The following COL5A2 variants were observed in gnomAD, a reference collection of about 807,000 sequenced individuals.
COL5A2 encodes the protein collagen alpha-2(V) chain.
COL5A2 carries 23 observed loss-of-function variants against 208.2 expected under a neutral mutation model. The ratio of observed to expected loss-of-function variants is 0.11; its 90% confidence interval spans 0.08 to 0.16. The LOEUF (loss-of-function observed/expected upper bound fraction) is 0.16, where lower values mean the gene tolerates loss of function less well. Among genes scored for constraint, COL5A2 ranks in the 10% least tolerant of loss-of-function variants. The pLI is 1.00. For missense variants in COL5A2, 1,590 were observed against 1,956.4 expected (o/e 0.81, Z 3.53); for synonymous variants, 625 against 628.5 (o/e 0.99, Z 0.08).
At chr2:189,197,000 A>G (rs1332837059) in intron 1 of COL5A2, among the ~76,000 whole-genome samples, 2 of 152,198 alleles carry the variant, frequency 1.3e-5, no homozygotes, top group Admixed American at 6.5e-5. Context: ...ATACACACGT[A>G]TATTTTTTTT....
the COL5A2 span, among the ~76,000 whole-genome samples, chr2:189,328,754 T>G: frequency 6.6e-6 from 1 of 152,174 alleles, no homozygotes; most frequent in South Asian, 2.1e-4. Flanking sequence ...TTGGTCATCA[T>G]GGAAGACAGA....
chr2:189,199,441 C>A (rs4667270), intron 1 of COL5A2, among the ~76,000 whole-genome samples: 22,678 of 152,006 alleles, frequency 0.15, 2,889 homozygotes, highest in African/African-American at 0.34. Context: ...GGTACAATAA[C>A]ATATAAAAAT....
chr2:189,174,665 G>A (rs945575116), intron 1 of COL5A2, among the ~76,000 whole-genome samples: 5 of 152,112 alleles, frequency 3.3e-5, no homozygotes, highest in Admixed American at 2.0e-4. Context: ...GGAAAGTAGA[G>A]GGGTCTAGAA....
At chr2:189,394,987 A>G in the COL5A2 span, among the ~76,000 whole-genome samples, 1 of 152,298 alleles carries the variant, frequency 6.6e-6, no homozygotes, top group South Asian at 2.1e-4. Context: ...AATTTGTGTT[A>G]CTTCCTTAGA....
At chr2:189,366,121 A>G in the COL5A2 span, among the ~76,000 whole-genome samples, 1 of 152,114 alleles carries the variant, frequency 6.6e-6, no homozygotes. Flanking sequence ...CTTGTATAGC[A>G]CCATCAAAAG....
At chr2:189,398,937 G>A in the COL5A2 span, among the ~76,000 whole-genome samples, 1 of 151,924 alleles carries the variant, frequency 6.6e-6, no homozygotes, top group African/African-American at 2.4e-5. Context: ...AAGTCTAATA[G>A]TATTTTTACC....
At chr2:189,281,083 C>A in the COL5A2 span, among the ~76,000 whole-genome samples, 2 of 151,986 alleles carry the variant, frequency 1.3e-5, no homozygotes, top group Non-Finnish European at 2.9e-5. Flanking sequence ...GGTTAATTTG[C>A]ATTATTTACC....
At chr2:189,212,950 G>T (rs540301823) in intron 1 of COL5A2, among the ~76,000 whole-genome samples, 3 of 151,724 alleles carry the variant, frequency 2.0e-5, no homozygotes, top group African/African-American at 7.2e-5. Flanking sequence ...GTGTGACAGC[G>T]CGATCTGAGC....
At chr2:189,091,363 T>C (rs1477647898) in intron 7 of COL5A2, among the ~76,000 whole-genome samples, 1 of 152,200 alleles carries the variant, frequency 6.6e-6, no homozygotes, top group Non-Finnish European at 1.5e-5. Flanking sequence ...TGAAGATTGT[T>C]GAAATGACAA....
chr2:189,425,894 TC>T, the COL5A2 span, among the ~76,000 whole-genome samples: 1 of 152,130 alleles, frequency 6.6e-6, no homozygotes, highest in Non-Finnish European at 1.5e-5. Flanking sequence ...TCCTGAGGCC[TC>T]CCCAGAATCT....
chr2:189,099,512 C>G (rs1285518056), intron 4 of COL5A2, among the ~76,000 whole-genome samples: 1 of 152,142 alleles, frequency 6.6e-6, no homozygotes, highest in Non-Finnish European at 1.5e-5. Context: ...GTAGTCCCAG[C>G]TGCTCGGGAG....
the COL5A2 span, among the ~76,000 whole-genome samples, chr2:189,293,224 T>C: frequency 3.9e-4 from 60 of 152,044 alleles, no homozygotes; most frequent in African/African-American, 1.4e-3. Flanking sequence ...CTGCACATTG[T>C]GCACATGTAC....
At chr2:189,415,045 G>C in the COL5A2 span, among the ~76,000 whole-genome samples, 2 of 151,934 alleles carry the variant, frequency 1.3e-5, no homozygotes, top group African/African-American at 4.8e-5. Flanking sequence ...CTCTGGACTG[G>C]GTTTATCTTA....
At chr2:189,117,138 T>C (rs915155622) in intron 1 of COL5A2, among the ~76,000 whole-genome samples, 2 of 152,150 alleles carry the variant, frequency 1.3e-5, no homozygotes, top group Non-Finnish European at 2.9e-5. Flanking sequence ...CCATGTATCA[T>C]TGGGAAATCT....
At chr2:189,087,860 T>G (rs777889112) in intron 8 of COL5A2, among the ~76,000 whole-genome samples, 1 of 151,630 alleles carries the variant, frequency 6.6e-6, no homozygotes, top group African/African-American at 2.4e-5. Context: ...ACCACACATA[T>G]GTAATTTAAA....
At chr2:189,340,073 G>T in the COL5A2 span, among the ~76,000 whole-genome samples, 3 of 152,234 alleles carry the variant, frequency 2.0e-5, no homozygotes, top group East Asian at 3.9e-4. Flanking sequence ...ATGGGATAAG[G>T]CTAAGAGTCA....
At chr2:189,102,521 C>G (rs1687066495) in intron 3 of COL5A2, among the ~76,000 whole-genome samples, 1 of 151,964 alleles carries the variant, frequency 6.6e-6, no homozygotes, top group Non-Finnish European at 1.5e-5. Flanking sequence ...AATGGTCTGT[C>G]TAAAGTTTTA....
chr2:189,244,719 T>A, the COL5A2 span, among the ~76,000 whole-genome samples: 1 of 152,224 alleles, frequency 6.6e-6, no homozygotes, highest in Non-Finnish European at 1.5e-5. Context: ...TGTTCCAACA[T>A]CTGCCTGTTA....
the COL5A2 span, among the ~76,000 whole-genome samples, chr2:189,279,376 A>C: frequency 6.6e-6 from 1 of 151,960 alleles, no homozygotes; most frequent in African/African-American, 2.4e-5. Context: ...TAAATGACGG[A>C]TATTTTAGAA....
Sources: gnomAD v4.1 joint callset for allele counts (sites outside exome capture counted in the v4.1 genomes callset) on GRCh38, gnomAD v4.1.1 for gene constraint, MANE v1.5 for transcripts, NCBI Gene and HGNC (gene_info 2026-07-23, HGNC 2026-07-21) for gene names.